The following FAM107A variants were observed in gnomAD, a reference collection of about 807,000 sequenced individuals.
FAM107A encodes family with sequence similarity 107 member A.
A neutral mutation model predicts 13.7 loss-of-function variants in FAM107A; 19 were observed. That is an observed-to-expected ratio of 1.38 (90% CI 0.97 to 2.03). The LOEUF (loss-of-function observed/expected upper bound fraction) is 2.03. Among genes scored for constraint, FAM107A ranks in the 30% most tolerant of loss-of-function variants. The probability of loss-of-function intolerance (pLI) is 0.00; values close to 1 mark genes in which losing one functional copy is unlikely to be tolerated. For missense variants in FAM107A, 203 were observed against 184.4 expected, an observed-to-expected ratio of 1.10 and a Z score of -0.58; for synonymous variants, 82 against 74.5, an observed-to-expected ratio of 1.10 and a Z score of -0.52.
intron 1 of FAM107A, among the ~76,000 whole-genome samples, chr3:58,611,118 T>C (rs1038783133): frequency 2.0e-5 from 3 of 152,246 alleles, no homozygotes; most frequent in Non-Finnish European, 1.5e-5. Flanking sequence ...TCCCTTTGCC[T>C]TCTGCCATGA....
chr3:58,605,950 A>G (rs1293791928), intron 1 of FAM107A, among the ~76,000 whole-genome samples: 1 of 152,208 alleles, frequency 6.6e-6, no homozygotes, highest in Non-Finnish European at 1.5e-5. Context: ...CACTGTCACT[A>G]TCACCAAGGC....
chr3:58,589,558 T>C (rs2065638994), upstream of FAM107A, among the ~76,000 whole-genome samples: 1 of 152,208 alleles, frequency 6.6e-6, no homozygotes, highest in Admixed American at 6.5e-5. Flanking sequence ...AACAAGATAG[T>C]ACAGAGAGTT....
upstream of FAM107A, among the ~76,000 whole-genome samples, chr3:58,588,597 GA>G (rs568350033): frequency 6.6e-6 from 1 of 152,248 alleles, no homozygotes; most frequent in Non-Finnish European, 1.5e-5. Flanking sequence ...CATGATGGCA[GA>G]TATTTGGCAT....
intron 1 of FAM107A, chr3:58,586,801 A>C: frequency 6.8e-7 from 1 of 1,481,024 alleles, no homozygotes; most frequent in South Asian, 1.3e-5. Context: ...AGCGCCGTGC[A>C]CCACAGAGCC....
In FAM107A at chr3:58,569,568, G is replaced by A. The variant is rs1461561127; in HGVS notation, c.170+123C>T. The A allele has an allele frequency of 7.5e-6, 6 of 804,598 alleles. No homozygotes were observed. The East Asian group carries it at 1.5e-4, about 20-fold the overall frequency. The allele number at this position is 804,598 out of a possible 1,614,324, so 49.8% of individuals were successfully genotyped here. Reference sequence around the variant, plus strand: ...GCCGGTGATCATGTGGGGCACCTCAGCCTTCCTCAGTCTCCAGGAGCCCCA... The same window carrying A: ...GCCGGTGATCATGTGGGGCACCTCAACCTTCCTCAGTCTCCAGGAGCCCCA... On this transcript the variant is annotated intron_variant, in intron 2 of 3. Coordinates refer to ENST00000360997, the MANE Select transcript of FAM107A (RefSeq NM_001076778.3). The surrounding 1 kb of genome is among the most constrained non-coding windows in gnomAD (Gnocchi z 5.7).
chr3:58,571,253 C>T (rs960718961), intron 1 of FAM107A, among the ~76,000 whole-genome samples: 1 of 152,108 alleles, frequency 6.6e-6, no homozygotes, highest in Non-Finnish European at 1.5e-5. Flanking sequence ...CTATGATGAC[C>T]CATCACAGGC....
intron 1 of FAM107A, among the ~76,000 whole-genome samples, chr3:58,618,666 T>G (rs1288257877): frequency 1.3e-5 from 2 of 152,244 alleles, no homozygotes; most frequent in Non-Finnish European, 2.9e-5. Context: ...GAAATGAGAT[T>G]TGGCCCCAAG....
At chr3:58,607,461 C>T (rs1261170365) in intron 1 of FAM107A, among the ~76,000 whole-genome samples, 1 of 152,074 alleles carries the variant, frequency 6.6e-6, no homozygotes, top group Non-Finnish European at 1.5e-5. Context: ...TTGGTGTGGT[C>T]CTCTACCTCT....
chr3:58,584,008 T>G (rs1006636713), intron 1 of FAM107A, among the ~76,000 whole-genome samples: 2 of 152,228 alleles, frequency 1.3e-5, no homozygotes, highest in African/African-American at 4.8e-5. Flanking sequence ...GAATCTGTAA[T>G]GTCCTCCTTG....
chr3:58,568,378 T>C (rs1310298127), intron 2 of FAM107A, among the ~76,000 whole-genome samples: 1 of 151,446 alleles, frequency 6.6e-6, no homozygotes, highest in Non-Finnish European at 1.5e-5. Context: ...GAGCTTGCAG[T>C]GAGCTGAGGT....
intron 1 of FAM107A, among the ~76,000 whole-genome samples, chr3:58,605,335 C>T (rs377475459): frequency 1.1e-4 from 16 of 152,314 alleles, no homozygotes; most frequent in South Asian, 4.1e-4. Context: ...TGGGCAAGAA[C>T]CTGTGGGTCA....
chr3:58,591,784 C>T (rs944500397), upstream of FAM107A, among the ~76,000 whole-genome samples: 3 of 152,186 alleles, frequency 2.0e-5, no homozygotes, highest in African/African-American at 7.2e-5. The surrounding 1 kb of genome is among the most constrained non-coding windows in gnomAD (Gnocchi z 4.3). Flanking sequence ...ATACTGTACT[C>T]GCCTTGAAGA....
intron 2 of FAM107A, among the ~76,000 whole-genome samples, chr3:58,567,896 T>C (rs909943909): frequency 1.3e-5 from 2 of 152,164 alleles, no homozygotes; most frequent in African/African-American, 2.4e-5. Context: ...TTTGATATGT[T>C]TACCAGCCAT....
chr3:58,571,933 T>G (rs1468728069), intron 1 of FAM107A, among the ~76,000 whole-genome samples: 1 of 152,190 alleles, frequency 6.6e-6, no homozygotes, highest in Non-Finnish European at 1.5e-5. Flanking sequence ...CACTGTATGT[T>G]GCCAAAGTGA....
At chr3:58,592,020 G>A (rs1384834647), upstream of FAM107A, among the ~76,000 whole-genome samples, 3 of 152,228 alleles carry the variant, frequency 2.0e-5, no homozygotes, top group Non-Finnish European at 2.9e-5. Flanking sequence ...GGGATGATCA[G>A]GGTGAACAGA....
At chr3:58,606,540 G>A (rs574954745) in intron 1 of FAM107A, among the ~76,000 whole-genome samples, 123 of 152,302 alleles carry the variant, frequency 8.1e-4, no homozygotes, top group African/African-American at 2.5e-3. Flanking sequence ...TGCCCCTTAG[G>A]GAATGCTATA....
At chr3:58,580,798 T>G (rs549672209), upstream of FAM107A, among the ~76,000 whole-genome samples, 1 of 152,038 alleles carries the variant, frequency 6.6e-6, no homozygotes, top group Admixed American at 6.5e-5. Context: ...TACAGGCCCT[T>G]CTCCTTTGTC....
At chr3:58,616,783 T>C (rs1029163347) in intron 1 of FAM107A, among the ~76,000 whole-genome samples, 9 of 148,480 alleles carry the variant, frequency 6.1e-5, no homozygotes, top group Non-Finnish European at 1.0e-4. Context: ...CCCCAGTTTC[T>C]TTTTTTTTTA....
intron 1 of FAM107A, chr3:58,627,027 G>T (rs1489778272): frequency 4.6e-6 from 7 of 1,535,368 alleles, no homozygotes; most frequent in South Asian, 1.2e-5. Context: ...TGGGTGGGCT[G>T]CAGGGGCCAG....
Sources: gnomAD v4.1 joint callset for allele counts (sites outside exome capture counted in the v4.1 genomes callset) on GRCh38, gnomAD v4.1.1 for gene constraint, Gnocchi (gnomAD v3.1) non-coding constraint, MANE v1.5 for transcripts, NCBI Gene and HGNC (gene_info 2026-07-23, HGNC 2026-07-21) for gene names.